Variants in ITGB8 observed in about 807,000 individuals in gnomAD.
ITGB8 encodes integrin subunit beta 8, also known as integrin beta-8.
In ITGB8, 30 loss-of-function variants were observed where a neutral mutation model predicts 89.5. The ratio of observed to expected loss-of-function variants is 0.34; its 90% confidence interval spans 0.25 to 0.45. The LOEUF is 0.45. ITGB8 is among the 20% of genes least tolerant of loss of function. ITGB8 has a pLI of 1.00. For synonymous variants in ITGB8, 335 were observed against 320.4 expected, an observed-to-expected ratio of 1.05 and a Z score of -0.49; for missense variants, 836 against 933.3, an observed-to-expected ratio of 0.90 and a Z score of 1.36.
At chr7:20,372,446 C>G (rs1422758634) in intron 3 of ITGB8, among the ~76,000 whole-genome samples, 1 of 152,096 alleles carries the variant, frequency 6.6e-6, no homozygotes, top group Non-Finnish European at 1.5e-5. Flanking sequence ...ATGTGGGACT[C>G]CCAGGATCTG....
intron 8 of ITGB8, among the ~76,000 whole-genome samples, chr7:20,397,358 C>T (rs537848522): frequency 6.6e-6 from 1 of 152,198 alleles, no homozygotes; most frequent in African/African-American, 2.4e-5. Flanking sequence ...TCCAGAGTAG[C>T]TGGGATTACA....
In ITGB8 at chr7:20,409,937, A is replaced by C; in HGVS notation, c.2250A>C (p.Glu750Asp). Residue 750 changes from glutamate (E) to aspartate (D), a missense_variant, in exon 14 of 14, where the codon GAA (glutamate) becomes GAC (aspartate). Physicochemically the swap from Glu to Asp is conservative, Grantham distance 45. Coordinates refer to ENST00000222573, the MANE Select transcript of ITGB8 (RefSeq NM_002214.3). The part of the protein sequence containing the change: ...RAVTYRREKP[E>D]EIKMDISKLN... ...TCACCTACCGACGTGAGAAGCCTGA[A>C]GAAATAAAAATGGATATCAGCAAAT... The C allele has an allele frequency of 6.2e-7, 1 of 1,613,746 alleles. No individual in the cohort carries two copies. Among genetic ancestry groups the C allele is most frequent in the South Asian group, 1.1e-5 (1 of 90,968 alleles).
chr7:20,345,623 G>C (rs1784899294), intron 1 of ITGB8, among the ~76,000 whole-genome samples: 1 of 152,152 alleles, frequency 6.6e-6, no homozygotes, highest in Admixed American at 6.5e-5. Context: ...ATGAAGCAAT[G>C]TGAGAAATTT....
intron 3 of ITGB8, 25 bp from the exon 4 acceptor site, chr7:20,379,026 T>C (rs1378234035): frequency 6.5e-7 from 1 of 1,546,160 alleles, no homozygotes; most frequent in Non-Finnish European, 8.7e-7. Context: ...GAAGACTACA[T>C]GATGTTTTTC....
At chr7:20,392,842 C>A (rs1482582461) in intron 7 of ITGB8, among the ~76,000 whole-genome samples, 1 of 152,154 alleles carries the variant, frequency 6.6e-6, no homozygotes, top group Non-Finnish European at 1.5e-5. Flanking sequence ...TACCATGGAA[C>A]CACTTTTTAA....
chr7:20,336,499 C>G (rs1268746355), intron 1 of ITGB8, among the ~76,000 whole-genome samples: 1 of 152,204 alleles, frequency 6.6e-6, no homozygotes, highest in African/African-American at 2.4e-5. Context: ...AGAGAGGTCC[C>G]TGTTTTTGAA....
At chr7:20,403,730 G>C (rs563046873) in intron 10 of ITGB8, among the ~76,000 whole-genome samples, 1 of 151,844 alleles carries the variant, frequency 6.6e-6, no homozygotes, top group Admixed American at 6.6e-5. Flanking sequence ...AGCTAAGAAA[G>C]GAAAGGAAGG....
At chr7:20,387,941 TTTAAG>T (rs1235535621) in intron 6 of ITGB8, among the ~76,000 whole-genome samples, 2 of 152,212 alleles carry the variant, frequency 1.3e-5, no homozygotes, top group Non-Finnish European at 2.9e-5. Context: ...AAGGTTTTTA[TTTAAG>T]TTGTTTGGTT....
intron 3 of ITGB8, among the ~76,000 whole-genome samples, chr7:20,377,942 G>C (rs1786220086): frequency 6.6e-6 from 1 of 152,038 alleles, no homozygotes; most frequent in African/African-American, 2.4e-5. Context: ...TAAATTAGAA[G>C]GTTCTTTAAA....
At chr7:20,338,256 G>C (rs922623307) in intron 1 of ITGB8, among the ~76,000 whole-genome samples, 26 of 152,138 alleles carry the variant, frequency 1.7e-4, no homozygotes, top group Admixed American at 1.2e-3. Context: ...TAAATATGTA[G>C]TCTGTTATGC....
intron 1 of ITGB8, among the ~76,000 whole-genome samples, chr7:20,359,607 G>A (rs1223074778): frequency 3.3e-5 from 5 of 152,146 alleles, no homozygotes; most frequent in Non-Finnish European, 7.4e-5. Context: ...TATATGCAGT[G>A]TAGAGATTTT....
chr7:20,398,758 T>A (rs1483344524), intron 8 of ITGB8, 102 bp from the exon 9 acceptor site: 1 of 746,348 alleles, frequency 1.3e-6, no homozygotes, highest in African/African-American at 1.8e-5. Flanking sequence ...CTCTTTGATC[T>A]AGTTAAAATT....
At chr7:20,392,046 G>T (rs1246195295) in intron 7 of ITGB8, among the ~76,000 whole-genome samples, 1 of 151,986 alleles carries the variant, frequency 6.6e-6, no homozygotes, top group Admixed American at 6.6e-5. Context: ...GGAGTCTTTT[G>T]GGCCAGGTGA....
At chr7:20,405,972 GTTATT>G (rs752110283) in intron 11 of ITGB8, 85 bp from the exon 12 acceptor site, 177 of 768,940 alleles carry the variant, frequency 2.3e-4, no homozygotes, top group Non-Finnish European at 3.0e-4. Context: ...TTTCTGCATT[GTTATT>G]TTGTCTTTTT....
upstream of ITGB8, chr7:20,329,921 C>T (rs1483398372): frequency 1.3e-5 from 2 of 152,158 alleles, no homozygotes; most frequent in Non-Finnish European, 2.9e-5. Flanking sequence ...GGCAGTTGCC[C>T]AGCATAACAC....
chr7:20,331,741 C>G lies in ITGB8; in HGVS notation c.-66C>G. Reference sequence around the variant, plus strand: ...CGGCCCGCGGGCCCCGAGGTGCGCCCGGGAGGCGCGAGCCCGCGTCCGGAA... The same window carrying G: ...CGGCCCGCGGGCCCCGAGGTGCGCCGGGGAGGCGCGAGCCCGCGTCCGGAA... On this transcript the variant is annotated 5_prime_UTR_variant, in exon 1 of 14. Transcript: ENST00000222573. 6.5e-7 allele frequency: 1 copy of G among 1,530,234 alleles called. No individual in the cohort carries two copies. Among genetic ancestry groups the G allele is most frequent in the Non-Finnish European group, 8.8e-7 (1 of 1,137,462 alleles). The allele number at this position is 1,530,234 out of a possible 1,614,324, so 94.8% of individuals were successfully genotyped here.
At chr7:20,382,171 G>T in intron 6 of ITGB8, 1 of 248,460 alleles carries the variant, frequency 4.0e-6, no homozygotes, top group Non-Finnish European at 7.6e-6. Flanking sequence ...TACTTTTTAT[G>T]TAATTCTAAG....
chr7:20,405,614 G>A (rs183118575), intron 11 of ITGB8, among the ~76,000 whole-genome samples: 25 of 151,842 alleles, frequency 1.6e-4, no homozygotes, highest in African/African-American at 5.1e-4. Context: ...CACTGCGCCC[G>A]GCCTTATTTT....
At chr7:20,352,255 G>A (rs1246305527) in intron 1 of ITGB8, 1 of 152,200 alleles carries the variant, frequency 6.6e-6, no homozygotes, top group Non-Finnish European at 1.5e-5. Context: ...ACAGATAGAT[G>A]ATATGGTTTT....
Sources: gnomAD v4.1 joint callset for allele counts (sites outside exome capture counted in the v4.1 genomes callset) on GRCh38, gnomAD v4.1.1 for gene constraint, MANE v1.5 for transcripts, NCBI Gene and HGNC (gene_info 2026-07-23, HGNC 2026-07-21) for gene names.